The following PCDHGA2 variants were observed in gnomAD, a reference collection of about 807,000 sequenced individuals.
PCDHGA2 encodes protocadherin gamma-A2.
PCDHGA2 carries 40 observed loss-of-function variants against 59.2 expected under a neutral mutation model. The observed-to-expected ratio is 0.68, with a 90% CI of 0.52 to 0.88. The LOEUF (loss-of-function observed/expected upper bound fraction) is 0.88, where lower values mean the gene tolerates loss of function less well. PCDHGA2 is among the 40% of genes least tolerant of loss of function. The pLI is 0.00. For synonymous variants in PCDHGA2, 560 were observed against 526.0 expected, an observed-to-expected ratio of 1.06 and a Z score of -0.89; for missense variants, 1,226 against 1,204.0, an observed-to-expected ratio of 1.02 and a Z score of -0.27.
intron 1 of PCDHGA2, chr5:141,422,637 C>T (rs980166515): frequency 8.7e-5 from 141 of 1,612,568 alleles, no homozygotes; most frequent in Non-Finnish European, 1.2e-4. Flanking sequence ...CCAGGGGTGC[C>T]TCCATCTTCT....
chr5:141,376,506 A>C (rs773992139), intron 1 of PCDHGA2: 1 of 1,614,126 alleles, frequency 6.2e-7, no homozygotes, highest in African/African-American at 1.3e-5. Flanking sequence ...AGGCAACTTC[A>C]GGTGAGTTTC....
At chr5:141,348,345 G>A (rs1309569238) in intron 1 of PCDHGA2, among the ~76,000 whole-genome samples, 4 of 152,162 alleles carry the variant, frequency 2.6e-5, no homozygotes, top group Non-Finnish European at 4.4e-5. Context: ...AGCCAGGGGA[G>A]GACTTCTGAG....
At chr5:141,385,000 T>C (rs1271412814) in intron 1 of PCDHGA2, 1 of 1,614,138 alleles carries the variant, frequency 6.2e-7, no homozygotes, top group South Asian at 1.1e-5. Flanking sequence ...GGCCACAGTC[T>C]CCTGCGTCTT....
chr5:141,486,598 C>T lies in PCDHGA2; in HGVS notation c.2425-8209C>T. 2 of 1,613,604 alleles carry T rather than the reference C, an allele frequency of 1.2e-6. No homozygotes were observed. Among genetic ancestry groups the T allele is most frequent in the Non-Finnish European group, 1.7e-6 (2 of 1,179,998 alleles). ...ACAATCGCCCAGGGGACCTGCTTTG[C>T]TCCCTTGCAGCCTCTGACCCAGACT... On this transcript the variant is annotated intron_variant, in intron 1 of 3. Transcript: ENST00000394576. The surrounding 1 kb of genome is among the most constrained non-coding windows in gnomAD (Gnocchi z 5.0).
intron 1 of PCDHGA2, chr5:141,392,059 C>G (rs2092458843): frequency 6.6e-6 from 1 of 152,098 alleles, no homozygotes; most frequent in Non-Finnish European, 1.5e-5. Flanking sequence ...AAAATATTAT[C>G]GACATGTAAT....
chr5:141,345,172 G>A, intron 1 of PCDHGA2: 4 of 1,613,902 alleles, frequency 2.5e-6, no homozygotes, highest in South Asian at 1.1e-5. Flanking sequence ...GGGCAGAATG[G>A]GCAGGTTGAA....
intron 1 of PCDHGA2, chr5:141,399,691 C>A: frequency 6.2e-7 from 1 of 1,613,480 alleles, no homozygotes; most frequent in Non-Finnish European, 8.5e-7. Context: ...CGAGCAGCTG[C>A]GCACCTTCGA....
In PCDHGA2 at chr5:141,368,077, T is replaced by A. The variant is rs563591342; in HGVS notation, c.2424+26682T>A. Among the ~76,000 whole-genome samples the A allele has an allele frequency of 2.2e-4, 33 of 152,336 alleles. 1 individual carries two copies. The South Asian group carries it at 5.6e-3, about 26-fold the overall frequency. On this transcript the variant is annotated intron_variant, in intron 1 of 3. Transcript: ENST00000394576. ...AGAACTACTATATTTCCCTTCTGCA[T>A]CTGATTTGCTGAAGATGATTTTCAG...
rs962136728 is a variant in PCDHGA2 at position 141,491,524 on chromosome 5, G to A, written c.2425-3283G>A. 1 of 1,613,960 alleles carries A rather than the reference G, an allele frequency of 6.2e-7. No homozygotes were observed. The highest frequency in any genetic ancestry group is 1.3e-5 in the African/African-American group (1 of 74,936). On this transcript the variant is annotated intron_variant, in intron 1 of 3. Coordinates refer to ENST00000394576, the MANE Select transcript of PCDHGA2 (RefSeq NM_018915.4). The surrounding 1 kb of genome is among the most constrained non-coding windows in gnomAD (Gnocchi z 6.9). ...GGACGGCACGCTCAAGTACATGGAG[G>A]TGACGCTGCGGCCCACAGACTCGCA...
intron 1 of PCDHGA2, among the ~76,000 whole-genome samples, chr5:141,435,710 C>T (rs1033703743): frequency 1.3e-5 from 2 of 152,148 alleles, no homozygotes; most frequent in Admixed American, 6.5e-5. Flanking sequence ...TGGTTACAGA[C>T]ACTGAATGCT....
chr5:141,467,042 G>T (rs2099134710), intron 1 of PCDHGA2, among the ~76,000 whole-genome samples: 1 of 149,884 alleles, frequency 6.7e-6, no homozygotes. Context: ...TTTGTGTAAT[G>T]AATCAATGTT....
chr5:141,347,125 TCC>T, intron 1 of PCDHGA2, among the ~76,000 whole-genome samples: 6 of 137,672 alleles, frequency 4.4e-5, no homozygotes, highest in African/African-American at 8.0e-5. Context: ...CTTCCTTCCT[TCC>T]TCTGTTTCTC....
rs189127761 is a variant in PCDHGA2 at position 141,385,037 on chromosome 5, C to A, written c.2424+43642C>A. Reference sequence around the variant, plus strand: ...CTAGCCTTCGTCCTCGTACTGCTGGCGCTCAGGCTGCGGCGCTGGCACAAG... The same window carrying A: ...CTAGCCTTCGTCCTCGTACTGCTGGAGCTCAGGCTGCGGCGCTGGCACAAG... On this transcript the variant is annotated intron_variant, in intron 1 of 3. Transcript: ENST00000394576. The A allele has an allele frequency of 5.8e-5, 93 of 1,614,148 alleles. No individual in the cohort carries two copies. In the East Asian group the frequency reaches 1.7e-3, roughly 30 times the overall value.
At chr5:141,407,534 A>T (rs72790039) in intron 1 of PCDHGA2, among the ~76,000 whole-genome samples, 1 of 149,478 alleles carries the variant, frequency 6.7e-6, no homozygotes, top group Non-Finnish European at 1.5e-5. Flanking sequence ...CTTATTGTGC[A>T]TTGGTAACAG....
intron 1 of PCDHGA2, chr5:141,408,704 A>G: frequency 1.2e-6 from 2 of 1,613,236 alleles, no homozygotes; most frequent in Non-Finnish European, 1.7e-6. Context: ...AAACTCAATT[A>G]AAGATTATAA....
intron 1 of PCDHGA2, chr5:141,372,050 G>A: frequency 6.2e-7 from 1 of 1,613,506 alleles, no homozygotes; most frequent in Non-Finnish European, 8.5e-7. Context: ...GCGTGTTGGT[G>A]GACGACCGCA....
chr5:141,427,895 G>T (rs539406412), intron 1 of PCDHGA2: 3 of 1,569,228 alleles, frequency 1.9e-6, no homozygotes, highest in South Asian at 2.2e-5. Context: ...ACCAGGGCTC[G>T]CCCGCGCTCA....
intron 1 of PCDHGA2, chr5:141,408,042 C>T (rs2095031452): frequency 1.7e-6 from 2 of 1,204,046 alleles, no homozygotes; most frequent in Non-Finnish European, 2.2e-6. Flanking sequence ...AACCAGCTCC[C>T]ACACAGAGCC....
Position 141,341,175 on chromosome 5 carries a change from T to C in PCDHGA2, c.2204T>C (p.Met735Thr). The C allele has an allele frequency of 1.2e-6, 2 of 1,614,240 alleles. No homozygotes were observed. Among genetic ancestry groups the C allele is most frequent in the Non-Finnish European group, 1.7e-6 (2 of 1,180,038 alleles). The part of the protein sequence containing the change: ...LQASGGSLTG[M>T]QSSHFVGVDG... ...GCTTCAGGAGGCAGCTTGACAGGCA[T>C]GCAGAGCTCGCACTTTGTGGGCGTG... The change falls in exon 1 of 4, where the codon ATG becomes ACG. Residue 735 changes from methionine to threonine, a missense_variant. By Grantham distance (81) the Met-to-Thr change is moderately conservative. Coordinates refer to ENST00000394576, the MANE Select transcript of PCDHGA2 (RefSeq NM_018915.4).
Sources: allele counts gnomAD v4.1 joint callset (sites outside exome capture counted in the v4.1 genomes callset), GRCh38; gene constraint gnomAD v4.1.1; non-coding constraint Gnocchi (gnomAD v3.1); transcripts MANE v1.5; gene names NCBI Gene and HGNC (gene_info 2026-07-23, HGNC 2026-07-21).